The following ATP2C1 variants were observed in gnomAD, a reference collection of about 807,000 sequenced individuals.
ATP2C1 encodes ATPase secretory pathway Ca2+ transporting 1.
ATP2C1 carries 31 observed loss-of-function variants against 120.5 expected under a neutral mutation model. The observed-to-expected ratio is 0.26, with a 90% CI of 0.19 to 0.35. The LOEUF (loss-of-function observed/expected upper bound fraction) is 0.35, where lower values mean the gene tolerates loss of function less well. Ranked by LOEUF, ATP2C1 falls within the 10% of genes least tolerant of loss-of-function variation. The pLI is 1.00. For missense variants in ATP2C1, 731 were observed against 1,107.5 expected, an observed-to-expected ratio of 0.66 and a Z score of 4.83; for synonymous variants, 351 against 358.7, an observed-to-expected ratio of 0.98 and a Z score of 0.24.
chr3:130,861,551 A>G (rs756208616), intron 1 of ATP2C1, among the ~76,000 whole-genome samples: 7 of 152,198 alleles, frequency 4.6e-5, no homozygotes, highest in Non-Finnish European at 8.8e-5. Flanking sequence ...GAACGTTCAT[A>G]CTGATGAGGG....
intron 2 of ATP2C1, among the ~76,000 whole-genome samples, chr3:130,919,782 G>A (rs1201634553): frequency 1.3e-5 from 2 of 152,166 alleles, no homozygotes; most frequent in Non-Finnish European, 2.9e-5. Context: ...TTTTTCCATA[G>A]TGGCTGCACC....
rs1362669984 is a variant in ATP2C1, at chr3:130,999,568, T to C, written c.2538T>C (p.Tyr846=). 4 of 1,613,752 alleles carry C rather than the reference T, an allele frequency of 2.5e-6. No individual in the cohort carries two copies. In the Admixed American group the frequency reaches 6.7e-5, roughly 27 times the overall value. Residue 846 remains tyrosine, a synonymous_variant, in exon 27 of 28, where the codon TAT becomes TAC. Transcript: ENST00000510168. ...IGLCSNRMFC[Y]AVLGSIMGQL... The stretch of plus-strand genomic sequence containing the variant: ...TCTGCAGTAATAGAATGTTTTGCTA[T>C]GCAGTTCTTGGATCCATCATGGGAC...
chr3:130,935,750 GT>G (rs1464206915), intron 5 of ATP2C1, among the ~76,000 whole-genome samples: 1 of 152,168 alleles, frequency 6.6e-6, no homozygotes, highest in Non-Finnish European at 1.5e-5. Context: ...AACAGTCATT[GT>G]TTTCTTTCAT....
intron 16 of ATP2C1, among the ~76,000 whole-genome samples, 183 bp downstream of exon 16, chr3:130,967,602 T>G (rs2061106450): frequency 2.0e-5 from 3 of 152,192 alleles, no homozygotes; most frequent in Admixed American, 2.0e-4. Context: ...ATAGACTTTT[T>G]TCAGTATAAC....
At chr3:130,885,667 T>C (rs1002036601) in intron 1 of ATP2C1, among the ~76,000 whole-genome samples, 1 of 151,956 alleles carries the variant, frequency 6.6e-6, no homozygotes, top group Non-Finnish European at 1.5e-5. Flanking sequence ...TTTAACGTCT[T>C]GTTTCTCTTT....
chr3:130,977,333 GA>G, intron 18 of ATP2C1, among the ~76,000 whole-genome samples: 1 of 152,158 alleles, frequency 6.6e-6, no homozygotes, highest in East Asian at 1.9e-4. Flanking sequence ...GACCGTTGGT[GA>G]ACAAAATGTG....
chr3:130,918,105 G>A (rs768713119), intron 2 of ATP2C1: 19 of 664,276 alleles, frequency 2.9e-5, no homozygotes, highest in Non-Finnish European at 4.9e-5. Flanking sequence ...TCCGAGTACA[G>A]GGTAATATAT....
chr3:130,856,560 T>C (rs1185678046), intron 1 of ATP2C1, among the ~76,000 whole-genome samples: 1 of 152,230 alleles, frequency 6.6e-6, no homozygotes, highest in African/African-American at 2.4e-5. Flanking sequence ...AAAAGTCTTT[T>C]TGAAAAGTCA....
chr3:130,931,685 T>TA (rs1197851887), intron 3 of ATP2C1, among the ~76,000 whole-genome samples: 2 of 152,094 alleles, frequency 1.3e-5, no homozygotes, highest in Non-Finnish European at 2.9e-5. Context: ...ACATTTTTTT[T>TA]AAAAAATCAA....
chr3:130,955,791 G>A (rs148993275), intron 10 of ATP2C1: 5 of 271,558 alleles, frequency 1.8e-5, no homozygotes, highest in African/African-American at 9.0e-5. Flanking sequence ...GCAGCTGATG[G>A]TAATGAAGTC....
intron 11 of ATP2C1, among the ~76,000 whole-genome samples, chr3:130,958,498 A>T (rs903632092): frequency 6.6e-6 from 1 of 151,990 alleles, no homozygotes; most frequent in Non-Finnish European, 1.5e-5. Flanking sequence ...TGCTATTTGG[A>T]TAATTATTCT....
exon 27 of ATP2C1, chr3:131,016,552 A>G (rs759119948): frequency 1.0e-5 from 6 of 597,212 alleles, no homozygotes; most frequent in South Asian, 2.1e-5. Context: ...TATTCAACCC[A>G]TCGGAATTTA....
intron 8 of ATP2C1, among the ~76,000 whole-genome samples, chr3:130,944,038 C>T (rs1247201567): frequency 2.0e-5 from 3 of 152,192 alleles, no homozygotes; most frequent in Non-Finnish European, 2.9e-5. Context: ...TTAAAGGAAC[C>T]AGAAAACTCC....
chr3:130,886,607 C>T (rs1017576654), intron 1 of ATP2C1, among the ~76,000 whole-genome samples: 29 of 152,000 alleles, frequency 1.9e-4, no homozygotes, highest in Non-Finnish European at 1.5e-5. Context: ...ATTTTTTCTG[C>T]TTGATCAATT....
rs2062882306 is a variant in ATP2C1, at chr3:131,001,467, A to G, written c.*117A>G. The G allele has an allele frequency of 7.0e-7, 1 of 1,436,332 alleles. No homozygotes were observed. The highest frequency in any genetic ancestry group is 2.5e-5 in the East Asian group (1 of 39,560). 89.0% of individuals were successfully genotyped at this position (1,436,332 alleles called of 1,614,324 possible). A position where few individuals can be genotyped will look rare whatever the true frequency, so the allele number is the denominator to read the frequency against. On this transcript the variant is annotated 3_prime_UTR_variant, in exon 28 of 28. Transcript: ENST00000510168. ...CTTTTTAACTATTCATTGACTAAAA[A>G]TGAACATTAATGTTAAAGACTTAAG...
intron 2 of ATP2C1, among the ~76,000 whole-genome samples, chr3:130,910,459 C>T (rs1200634877): frequency 7.0e-6 from 1 of 143,266 alleles, no homozygotes; most frequent in Admixed American, 7.1e-5. Context: ...TGCCTAATTG[C>T]CCTGGCCAGA....
intron 1 of ATP2C1, among the ~76,000 whole-genome samples, chr3:130,858,167 G>T (rs2067904410): frequency 6.6e-6 from 1 of 152,062 alleles, no homozygotes; most frequent in Non-Finnish European, 1.5e-5. Context: ...CCCAGATTGA[G>T]GGTGGGTCTG....
chr3:130,923,585 A>G (rs2059063449), intron 2 of ATP2C1, among the ~76,000 whole-genome samples: 1 of 151,962 alleles, frequency 6.6e-6, no homozygotes, highest in South Asian at 2.1e-4. Context: ...AACTACTTCT[A>G]GGCCGGAAGT....
intron 2 of ATP2C1, among the ~76,000 whole-genome samples, chr3:130,915,679 G>A (rs1045522498): frequency 5.9e-5 from 9 of 152,046 alleles, no homozygotes; most frequent in African/African-American, 1.5e-4. Flanking sequence ...CAGGGTTGTC[G>A]CAAGCCAACA....
Sources: allele counts gnomAD v4.1 joint callset (sites outside exome capture counted in the v4.1 genomes callset), GRCh38; gene constraint gnomAD v4.1.1; transcripts MANE v1.5; gene names NCBI Gene and HGNC (gene_info 2026-07-23, HGNC 2026-07-21).